The following NRG2 variants were observed in gnomAD, a reference collection of about 807,000 sequenced individuals.
NRG2 encodes the protein neuregulin 2.
Under a neutral mutation model 73.9 loss-of-function variants are expected in NRG2, and 27 were observed. That is an observed-to-expected ratio of 0.37 (90% CI 0.27 to 0.50). NRG2 has a LOEUF of 0.50. Ranked by LOEUF, NRG2 falls within the 20% of genes least tolerant of loss-of-function variation. The probability of loss-of-function intolerance (pLI) is 0.96; values close to 1 mark genes in which losing one functional copy is unlikely to be tolerated. For missense variants in NRG2, 1,126 were observed against 1,210.1 expected, an observed-to-expected ratio of 0.93 and a Z score of 1.03; for synonymous variants, 532 against 541.0, an observed-to-expected ratio of 0.98 and a Z score of 0.23.
intron 1 of NRG2, among the ~76,000 whole-genome samples, chr5:140,027,239 C>T (rs1760768058): frequency 6.6e-6 from 1 of 152,226 alleles, no homozygotes; most frequent in African/African-American, 2.4e-5. Flanking sequence ...CTGCCCTGGC[C>T]TCCCAAAGTA....
chr5:139,898,387 G>C (rs572638126), intron 1 of NRG2, among the ~76,000 whole-genome samples: 4 of 152,268 alleles, frequency 2.6e-5, no homozygotes, highest in African/African-American at 9.6e-5. Flanking sequence ...TGCCCTATAG[G>C]GCCAAGTCCT....
intron 1 of NRG2, among the ~76,000 whole-genome samples, chr5:140,020,932 A>C (rs1760172824): frequency 6.6e-6 from 1 of 152,216 alleles, no homozygotes; most frequent in Admixed American, 6.5e-5. Flanking sequence ...CATGCCTGCC[A>C]GAAGAAATAC....
chr5:139,925,368 G>A (rs1451186226), intron 1 of NRG2, among the ~76,000 whole-genome samples: 1 of 152,148 alleles, frequency 6.6e-6, no homozygotes, highest in Non-Finnish European at 1.5e-5. Context: ...GCCTGAAAAC[G>A]CGGTGCTGGG....
intron 1 of NRG2, among the ~76,000 whole-genome samples, chr5:140,033,240 C>A (rs927245913): frequency 2.6e-5 from 4 of 152,166 alleles, no homozygotes; most frequent in Non-Finnish European, 4.4e-5. Flanking sequence ...CAGGATGAGT[C>A]AAGGACCCTA....
At chr5:139,985,550 C>T (rs1757110844) in intron 1 of NRG2, among the ~76,000 whole-genome samples, 2 of 152,106 alleles carry the variant, frequency 1.3e-5, no homozygotes, top group African/African-American at 2.4e-5. Flanking sequence ...GATTCAGAAC[C>T]GTTTGGGGTT....
At chr5:139,855,030 A>T (rs1221460472) in intron 6 of NRG2, among the ~76,000 whole-genome samples, 1 of 151,976 alleles carries the variant, frequency 6.6e-6, no homozygotes, top group African/African-American at 2.4e-5. Context: ...GCTGTCTTTT[A>T]GCTTAGACTG....
chr5:140,043,097 C>A lies in NRG2; in HGVS notation c.-28G>T, dbSNP rs1415732905. ...GGCCAGGCCATTTGGGGGGCTCCGCCGCTCAGCCGCCGCCGCCTTGGGAGG... is the reference window on the plus strand; with the variant it reads ...GGCCAGGCCATTTGGGGGGCTCCGCAGCTCAGCCGCCGCCGCCTTGGGAGG... On this transcript the variant is annotated 5_prime_UTR_variant, in exon 1 of 10. Transcript: ENST00000361474. The surrounding 1 kb of genome is among the most constrained non-coding windows in gnomAD (Gnocchi z 6.7). 4.5e-6 allele frequency: 7 copies of A among 1,569,570 alleles called. No homozygotes were observed. The highest frequency in any genetic ancestry group is 1.1e-5 in the South Asian group (1 of 88,308).
chr5:139,948,081 C>G (rs190900246), intron 1 of NRG2, among the ~76,000 whole-genome samples: 27 of 152,294 alleles, frequency 1.8e-4, no homozygotes, highest in African/African-American at 6.3e-4. Flanking sequence ...TCTCCTCCCC[C>G]ACCCAACCCC....
intron 1 of NRG2, among the ~76,000 whole-genome samples, chr5:139,974,607 T>G (rs189097292): frequency 2.1e-5 from 3 of 145,026 alleles, no homozygotes; most frequent in African/African-American, 7.6e-5. Context: ...TTACCAATAG[T>G]TTTTTTTCTA....
chr5:139,965,857 G>A (rs967270058), intron 1 of NRG2, among the ~76,000 whole-genome samples: 5 of 152,192 alleles, frequency 3.3e-5, no homozygotes, highest in Non-Finnish European at 7.3e-5. Context: ...CCTTTGCAGA[G>A]GGAGAGGTGT....
At chr5:140,038,284 G>C (rs1761657966) in intron 1 of NRG2, among the ~76,000 whole-genome samples, 1 of 152,022 alleles carries the variant, frequency 6.6e-6, no homozygotes, top group South Asian at 2.1e-4. Context: ...CTCTCAAACT[G>C]TTTGTTAATT....
At chr5:139,877,215 T>C (rs1179610157) in intron 3 of NRG2, among the ~76,000 whole-genome samples, 1 of 152,208 alleles carries the variant, frequency 6.6e-6, no homozygotes, top group East Asian at 1.9e-4. Context: ...TCCTGCCGAC[T>C]CCTCCTGCCC....
chr5:139,908,111 C>T (rs2127188194), intron 1 of NRG2, among the ~76,000 whole-genome samples: 1 of 152,362 alleles, frequency 6.6e-6, no homozygotes, highest in South Asian at 2.1e-4. Context: ...CCGGCCTTCG[C>T]CATTTTTCAC....
chr5:139,957,466 G>A (rs1350334578), intron 1 of NRG2, among the ~76,000 whole-genome samples: 1 of 152,168 alleles, frequency 6.6e-6, no homozygotes, highest in Non-Finnish European at 1.5e-5. Flanking sequence ...AAGGCAGCTG[G>A]GAAGGAGAGA....
intron 1 of NRG2, among the ~76,000 whole-genome samples, chr5:140,030,781 C>T (rs1260312547): frequency 2.0e-5 from 3 of 152,164 alleles, no homozygotes; most frequent in Non-Finnish European, 4.4e-5. Context: ...TACTACTTGG[C>T]TCTACATGGT....
chr5:139,879,516 T>A (rs556331965), intron 3 of NRG2, among the ~76,000 whole-genome samples: 4 of 152,168 alleles, frequency 2.6e-5, no homozygotes, highest in Non-Finnish European at 4.4e-5. Flanking sequence ...AGAAACTGTC[T>A]TGACCCATCC....
At chr5:139,939,260 CTT>C (rs59868638) in intron 1 of NRG2, among the ~76,000 whole-genome samples, 13 of 136,850 alleles carry the variant, frequency 9.5e-5, no homozygotes, top group African/African-American at 3.2e-4. Flanking sequence ...TTCTTTCTTT[CTT>C]TTTCTTTCTT....
chr5:139,993,590 T>C (rs1250054055), intron 1 of NRG2, among the ~76,000 whole-genome samples: 1 of 152,216 alleles, frequency 6.6e-6, no homozygotes, highest in Non-Finnish European at 1.5e-5. Flanking sequence ...TATCTGGAAT[T>C]ATCCTGTCCA....
chr5:140,032,609 A>C (rs1195936929), intron 1 of NRG2, among the ~76,000 whole-genome samples: 1 of 152,228 alleles, frequency 6.6e-6, no homozygotes, highest in East Asian at 1.9e-4. Flanking sequence ...CAATACCAGC[A>C]ATCAAATATT....
Sources: allele counts gnomAD v4.1 joint callset (sites outside exome capture counted in the v4.1 genomes callset), GRCh38; gene constraint gnomAD v4.1.1; non-coding constraint Gnocchi (gnomAD v3.1); transcripts MANE v1.5; gene names NCBI Gene and HGNC (gene_info 2026-07-23, HGNC 2026-07-21).